The following QTGAL variants were observed in gnomAD, a reference collection of about 807,000 sequenced individuals.
QTGAL encodes queuosine-tRNA galactosyltransferase.
chr17:83,006,349 T>C, the QTGAL span: 2 of 985,506 alleles, frequency 2.0e-6, no homozygotes, highest in Non-Finnish European at 2.4e-6. The surrounding 1 kb of genome is among the most constrained non-coding windows in gnomAD (Gnocchi z 5.8). Context: ...TGGGGGAGGC[T>C]TCTGTTTGCA....
At chr17:82,956,084 G>A in the QTGAL span, among the ~76,000 whole-genome samples, 1 of 152,026 alleles carries the variant, frequency 6.6e-6, no homozygotes, top group African/African-American at 2.4e-5. This position sits in a 1 kb window ranked among gnomAD's most constrained non-coding sequence, Gnocchi z 5.7. Flanking sequence ...GTTGATAGGT[G>A]CAGCAAACCA....
At chr17:83,000,680 G>T in the QTGAL span, among the ~76,000 whole-genome samples, 1,843 of 152,266 alleles carry the variant, frequency 0.012, 43 homozygotes, top group African/African-American at 0.042. Flanking sequence ...CATGCTGTTT[G>T]TCTGAAAGCT....
chr17:83,028,269 A>G, the QTGAL span, among the ~76,000 whole-genome samples: 1 of 151,880 alleles, frequency 6.6e-6, no homozygotes, highest in African/African-American at 2.4e-5. Context: ...TCACACCTGT[A>G]ATCCCAGCAC....
At chr17:82,997,188 A>G in the QTGAL span, among the ~76,000 whole-genome samples, 1 of 152,236 alleles carries the variant, frequency 6.6e-6, no homozygotes, top group African/African-American at 2.4e-5. Flanking sequence ...CAGAGCTCAA[A>G]CAACTCTAGG....
the QTGAL span, among the ~76,000 whole-genome samples, chr17:83,036,190 C>CT: frequency 6.6e-6 from 1 of 152,206 alleles, no homozygotes; most frequent in Non-Finnish European, 1.5e-5. Flanking sequence ...AAGCTGGAAA[C>CT]ATACATGACA....
chr17:82,965,794 CACAA>C, the QTGAL span: 1 of 1,510,698 alleles, frequency 6.6e-7, no homozygotes, highest in Non-Finnish European at 9.1e-7. Context: ...AACAGCTTGT[CACAA>C]ACAACCTGCA....
At chr17:83,018,051 C>T in the QTGAL span, among the ~76,000 whole-genome samples, 18,912 of 110,638 alleles carry the variant, frequency 0.17, 2,090 homozygotes, top group Non-Finnish European at 0.18. Flanking sequence ...GAACACCGTG[C>T]GCCTGTATCA....
the QTGAL span, among the ~76,000 whole-genome samples, chr17:83,026,034 A>G: frequency 6.6e-6 from 1 of 152,328 alleles, no homozygotes; most frequent in South Asian, 2.1e-4. Flanking sequence ...GGGAAAGAGA[A>G]ATGAGCAAAA....
chr17:83,051,630 G>T, the QTGAL span: 1 of 1,123,082 alleles, frequency 8.9e-7, no homozygotes, highest in Non-Finnish European at 1.2e-6. Flanking sequence ...GAGCCCGAGA[G>T]GCGGTGCGGG....
At chr17:83,037,716 C>A in the QTGAL span, among the ~76,000 whole-genome samples, 3 of 152,216 alleles carry the variant, frequency 2.0e-5, no homozygotes, top group Admixed American at 6.5e-5. The surrounding 1 kb of genome is among the most constrained non-coding windows in gnomAD (Gnocchi z 5.2). Flanking sequence ...GGGCTCTGCT[C>A]ACAATGCGGC....
At chr17:82,968,571 T>C in the QTGAL span, among the ~76,000 whole-genome samples, 1 of 152,194 alleles carries the variant, frequency 6.6e-6, no homozygotes, top group East Asian at 1.9e-4. Context: ...CAGTCACCAG[T>C]GTGCACAGTG....
At chr17:82,996,381 G>T in the QTGAL span, among the ~76,000 whole-genome samples, 2 of 152,120 alleles carry the variant, frequency 1.3e-5, no homozygotes, top group Non-Finnish European at 2.9e-5. Context: ...AATTAGCTGG[G>T]TATGGTGGTG....
the QTGAL span, among the ~76,000 whole-genome samples, chr17:83,025,214 G>A: frequency 8.9e-6 from 1 of 111,972 alleles, no homozygotes; most frequent in Non-Finnish European, 1.8e-5. Context: ...CATAGAAACT[G>A]TGAAGTCCAC....
the QTGAL span, among the ~76,000 whole-genome samples, chr17:82,972,533 A>G: frequency 9.5e-6 from 1 of 105,294 alleles, no homozygotes; most frequent in South Asian, 3.4e-4. Flanking sequence ...CCTGGTGCCG[A>G]CCACACCACA....
the QTGAL span, among the ~76,000 whole-genome samples, chr17:82,970,640 G>GCACCCGGCGTGGCCGTGACCTCCC: frequency 2.1e-5 from 1 of 47,250 alleles, no homozygotes; most frequent in African/African-American, 1.0e-4. Context: ...CGCGACCTCC[G>GCACCCGGCGTGGCCGTGACCTCCC]CACCCGGTGT....
chr17:83,008,477 T>C, the QTGAL span, among the ~76,000 whole-genome samples: 10 of 151,376 alleles, frequency 6.6e-5, no homozygotes, highest in South Asian at 4.2e-4. Flanking sequence ...AGAAGGGAGG[T>C]GTGAGGGGAC....
At chr17:83,017,526 G>A in the QTGAL span, among the ~76,000 whole-genome samples, 1 of 152,094 alleles carries the variant, frequency 6.6e-6, no homozygotes, top group Admixed American at 6.5e-5. Flanking sequence ...AGGAAGCCGA[G>A]GTACGAGAAT....
At chr17:82,946,680 CAG>C in the QTGAL span, among the ~76,000 whole-genome samples, 1 of 150,990 alleles carries the variant, frequency 6.6e-6, no homozygotes, top group African/African-American at 2.4e-5. Flanking sequence ...TTAATCAAAA[CAG>C]ATAGAGTTCA....
chr17:82,952,657 A>G, the QTGAL span, among the ~76,000 whole-genome samples: 1 of 152,236 alleles, frequency 6.6e-6, no homozygotes, highest in East Asian at 1.9e-4. Context: ...CAGAAAATTA[A>G]CAAGGATATT....
Sources: gnomAD v4.1 joint callset for allele counts (sites outside exome capture counted in the v4.1 genomes callset) on GRCh38, gnomAD v4.1.1 for gene constraint, Gnocchi (gnomAD v3.1) non-coding constraint, MANE v1.5 for transcripts, NCBI Gene and HGNC (gene_info 2026-07-23, HGNC 2026-07-21) for gene names.